The following RANBP2 variants were observed in gnomAD, a reference collection of about 807,000 sequenced individuals.
RANBP2 encodes the protein E3 SUMO-protein ligase RanBP2.
Under a neutral mutation model 303.6 loss-of-function variants are expected in RANBP2, and 57 were observed. That is an observed-to-expected ratio of 0.19 (90% confidence interval 0.15 to 0.23). The LOEUF is 0.23. Among genes scored for constraint, RANBP2 ranks in the 10% least tolerant of loss-of-function variants. RANBP2 has a pLI of 1.00. For missense variants in RANBP2, 3,138 were observed against 3,780.8 expected, an observed-to-expected ratio of 0.83 and a Z score of 4.46; for synonymous variants, 1,167 against 1,301.5, an observed-to-expected ratio of 0.90 and a Z score of 2.23.
chr2:108,779,311 A>G (rs1417279112), intron 25 of RANBP2, among the ~76,000 whole-genome samples: 1 of 151,906 alleles, frequency 6.6e-6, no homozygotes, highest in Non-Finnish European at 1.5e-5. Context: ...ACAGGCATGC[A>G]CTGCAACACC....
At chr2:108,952,584 C>G in the RANBP2 span, among the ~76,000 whole-genome samples, 4 of 152,218 alleles carry the variant, frequency 2.6e-5, no homozygotes, top group Non-Finnish European at 5.9e-5. Flanking sequence ...TTCACTTGCT[C>G]TGCTGAGATT....
the RANBP2 span, among the ~76,000 whole-genome samples, chr2:109,763,435 T>C: frequency 2.0e-5 from 3 of 150,256 alleles, no homozygotes; most frequent in African/African-American, 7.3e-5. Flanking sequence ...CCCAGTGATC[T>C]GACTTCAAAT....
the RANBP2 span, among the ~76,000 whole-genome samples, chr2:108,842,283 C>T: frequency 6.6e-6 from 1 of 151,874 alleles, no homozygotes; most frequent in African/African-American, 2.4e-5. Flanking sequence ...AAGTGATCCT[C>T]CTGCCTTGGC....
the RANBP2 span, among the ~76,000 whole-genome samples, chr2:109,397,488 G>A: frequency 6.6e-6 from 1 of 152,154 alleles, no homozygotes; most frequent in African/African-American, 2.4e-5. Flanking sequence ...ATCACTGTGA[G>A]CTCCCCATAT....
At chr2:109,112,984 C>T in the RANBP2 span, among the ~76,000 whole-genome samples, 8 of 152,078 alleles carry the variant, frequency 5.3e-5, no homozygotes, top group East Asian at 1.9e-4. Flanking sequence ...TTCTGTTCCA[C>T]TGATCTATAT....
the RANBP2 span, among the ~76,000 whole-genome samples, chr2:109,445,138 A>C: frequency 3.9e-5 from 6 of 152,352 alleles, no homozygotes; most frequent in East Asian, 9.6e-4. Flanking sequence ...ATTTATCCAG[A>C]ATACAGAGCA....
the RANBP2 span, among the ~76,000 whole-genome samples, chr2:109,153,707 G>A: frequency 2.0e-5 from 3 of 152,220 alleles, no homozygotes; most frequent in Non-Finnish European, 2.9e-5. Flanking sequence ...TCTCCAGGGT[G>A]TGTACTTGTC....
the RANBP2 span, among the ~76,000 whole-genome samples, chr2:109,632,441 A>G: frequency 2.0e-5 from 3 of 152,156 alleles, no homozygotes; most frequent in Non-Finnish European, 2.9e-5. Flanking sequence ...CCAGGAAGTT[A>G]GTGTCGCAAT....
At chr2:109,256,442 T>A in the RANBP2 span, among the ~76,000 whole-genome samples, 1 of 152,018 alleles carries the variant, frequency 6.6e-6, no homozygotes, top group African/African-American at 2.4e-5. Flanking sequence ...TACCATTGAC[T>A]GAAACAGGGA....
the RANBP2 span, among the ~76,000 whole-genome samples, chr2:109,381,428 C>T: frequency 5.3e-5 from 8 of 152,288 alleles, no homozygotes; most frequent in Middle Eastern, 6.8e-3. Context: ...GGTCTCAGCA[C>T]GCACACCCAC....
chr2:109,206,645 C>A, the RANBP2 span, among the ~76,000 whole-genome samples: 1 of 149,696 alleles, frequency 6.7e-6, no homozygotes, highest in Non-Finnish European at 1.5e-5. Flanking sequence ...CCTGTCTCTA[C>A]AAAAAAAAAA....
At chr2:109,086,288 T>C in the RANBP2 span, among the ~76,000 whole-genome samples, 5 of 152,252 alleles carry the variant, frequency 3.3e-5, no homozygotes, top group South Asian at 6.2e-4. Flanking sequence ...GGGGCGGTCA[T>C]TGTAAAGGCA....
At chr2:109,093,766 A>T in the RANBP2 span, among the ~76,000 whole-genome samples, 1 of 152,142 alleles carries the variant, frequency 6.6e-6, no homozygotes, top group South Asian at 2.1e-4. Flanking sequence ...TTCTCAGTAC[A>T]CTGAATTGTT....
the RANBP2 span, among the ~76,000 whole-genome samples, chr2:109,262,403 A>G: frequency 2.0e-5 from 3 of 152,118 alleles, no homozygotes; most frequent in African/African-American, 7.2e-5. Context: ...ACTGCCTTCA[A>G]ACTCTGCTTT....
the RANBP2 span, among the ~76,000 whole-genome samples, chr2:108,832,743 A>T: frequency 6.6e-6 from 1 of 152,204 alleles, no homozygotes; most frequent in South Asian, 2.1e-4. Flanking sequence ...AAGGATGAGT[A>T]GGTTTTTGTG....
the RANBP2 span, among the ~76,000 whole-genome samples, chr2:109,041,863 A>G: frequency 6.6e-6 from 1 of 151,910 alleles, no homozygotes; most frequent in Non-Finnish European, 1.5e-5. Flanking sequence ...AATTTTATCA[A>G]AAGTTTTTTC....
chr2:109,505,017 G>A, the RANBP2 span, among the ~76,000 whole-genome samples: 1 of 152,204 alleles, frequency 6.6e-6, no homozygotes. Context: ...CATTATTCAA[G>A]TCCTTCGTAA....
At chr2:109,102,620 A>G in the RANBP2 span, among the ~76,000 whole-genome samples, 3 of 152,128 alleles carry the variant, frequency 2.0e-5, no homozygotes, top group African/African-American at 7.2e-5. Context: ...AGGAATAATA[A>G]TATCAATGAT....
the RANBP2 span, among the ~76,000 whole-genome samples, chr2:108,932,107 T>C: frequency 3.3e-5 from 5 of 152,226 alleles, no homozygotes; most frequent in Non-Finnish European, 7.4e-5. Context: ...AAAAACACCG[T>C]GACGAACATA....
Sources: gnomAD v4.1 joint callset for allele counts (sites outside exome capture counted in the v4.1 genomes callset) on GRCh38, gnomAD v4.1.1 for gene constraint, MANE v1.5 for transcripts, NCBI Gene and HGNC (gene_info 2026-07-23, HGNC 2026-07-21) for gene names.